The following ENTPD1 variants were observed in gnomAD, a reference collection of about 807,000 sequenced individuals.
The protein encoded by ENTPD1 is ATP diphosphohydrolase.
In ENTPD1, 33 loss-of-function variants were observed where a neutral mutation model predicts 57.0. The observed-to-expected ratio is 0.58, with a 90% CI of 0.44 to 0.77. The LOEUF (loss-of-function observed/expected upper bound fraction) is 0.77, where lower values mean the gene tolerates loss of function less well. Among genes scored for constraint, ENTPD1 ranks in the 30% least tolerant of loss-of-function variants. ENTPD1 has a pLI of 0.00. For missense variants in ENTPD1, 501 were observed against 603.4 expected (o/e 0.83, Z 1.78); for synonymous variants, 202 against 218.8 (o/e 0.92, Z 0.68).
At chr10:95,827,642 T>C (rs2098382491) in intron 2 of ENTPD1, among the ~76,000 whole-genome samples, 1 of 152,018 alleles carries the variant, frequency 6.6e-6, no homozygotes, top group South Asian at 2.1e-4. Flanking sequence ...CGTGCCACCA[T>C]GCCCAGCTAA....
chr10:95,736,086 C>T (rs774552485), intron 1 of ENTPD1, among the ~76,000 whole-genome samples: 23 of 150,116 alleles, frequency 1.5e-4, no homozygotes, highest in Non-Finnish European at 2.4e-4. Context: ...CTGCAACATC[C>T]GCCTCCCTGG....
rs1479203233 is a variant in ENTPD1 at position 95,870,704 on chromosome 10, CCTCT to C, written c.*4324_*4327del. ...GAGTTTCACCCAAACTGGTCTGGCC[CCTCT>C]CTGATTCAAATACCAATAGTTGCTC... is the stretch of plus-strand genomic sequence containing the variant. On this transcript the variant is annotated 3_prime_UTR_variant, in exon 10 of 10. Coordinates refer to ENST00000371205, the MANE Select transcript of ENTPD1 (RefSeq NM_001776.6). 10 of 985,308 alleles carry C rather than the reference CCTCT, an allele frequency of 1.0e-5. No homozygotes were observed. The highest frequency in any genetic ancestry group is 1.2e-5 in the Non-Finnish European group (10 of 829,926). The allele number at this position is 985,308 out of a possible 1,614,324, so 61.0% of individuals were successfully genotyped here.
At chr10:95,775,957 G>T (rs1015740118) in intron 1 of ENTPD1, among the ~76,000 whole-genome samples, 1 of 152,124 alleles carries the variant, frequency 6.6e-6, no homozygotes, top group African/African-American at 2.4e-5. Flanking sequence ...GACTAGGATT[G>T]CAACCCCTAC....
At chr10:95,831,764 G>A (rs1268300799) in intron 2 of ENTPD1, among the ~76,000 whole-genome samples, 1 of 152,206 alleles carries the variant, frequency 6.6e-6, no homozygotes, top group East Asian at 1.9e-4. Context: ...GCCACATGTG[G>A]CATAACACAG....
chr10:95,799,401 T>C (rs1244314218), intron 1 of ENTPD1, among the ~76,000 whole-genome samples: 2 of 152,172 alleles, frequency 1.3e-5, no homozygotes, highest in Non-Finnish European at 2.9e-5. Flanking sequence ...TGGCATTTGG[T>C]TTTTTGTTCC....
At chr10:95,758,167 A>C (rs916649942) in intron 1 of ENTPD1, among the ~76,000 whole-genome samples, 12 of 152,002 alleles carry the variant, frequency 7.9e-5, no homozygotes, top group Admixed American at 5.9e-4. Flanking sequence ...AAGGAACTGC[A>C]TCTTTCCTCA....
At chr10:95,732,545 C>T (rs879405720) in intron 1 of ENTPD1, among the ~76,000 whole-genome samples, 7 of 152,080 alleles carry the variant, frequency 4.6e-5, no homozygotes, top group Admixed American at 3.9e-4. Flanking sequence ...ATGCAGTGGT[C>T]GTGAATCCCC....
intron 7 of ENTPD1, among the ~76,000 whole-genome samples, chr10:95,857,500 AG>A (rs1293082849): frequency 6.6e-6 from 1 of 152,248 alleles, no homozygotes; most frequent in Non-Finnish European, 1.5e-5. Context: ...CTGTACAAAA[AG>A]CTTAAAGTAA....
At chr10:95,794,816 T>C (rs2098219557) in intron 1 of ENTPD1, among the ~76,000 whole-genome samples, 1 of 152,070 alleles carries the variant, frequency 6.6e-6, no homozygotes, top group African/African-American at 2.4e-5. Flanking sequence ...GGGAATGTTC[T>C]AGGCAGAGTA....
chr10:95,778,209 A>G (rs2098142012), intron 1 of ENTPD1, among the ~76,000 whole-genome samples: 1 of 152,168 alleles, frequency 6.6e-6, no homozygotes, highest in Non-Finnish European at 1.5e-5. Flanking sequence ...AAATGCAAAA[A>G]TCACCTGTCT....
chr10:95,700,803 T>G, the ENTPD1 span, among the ~76,000 whole-genome samples: 2 of 152,202 alleles, frequency 1.3e-5, no homozygotes, highest in African/African-American at 4.8e-5. Context: ...TTCTTTTTTT[T>G]TTTTTTGAGA....
At chr10:95,755,808 G>A (rs567327010), upstream of ENTPD1, 61 of 1,520,982 alleles carry the variant, frequency 4.0e-5, no homozygotes, top group Admixed American at 2.6e-4. Flanking sequence ...TTGCAGTAAG[G>A]AATAGCTTTT....
chr10:95,702,496 C>A, the ENTPD1 span, among the ~76,000 whole-genome samples: 1 of 151,152 alleles, frequency 6.6e-6, no homozygotes, highest in Admixed American at 6.6e-5. Context: ...ATGTAAGAGA[C>A]AATGTGGGGA....
chr10:95,803,914 T>C (rs2140359810), intron 1 of ENTPD1, among the ~76,000 whole-genome samples: 2 of 152,354 alleles, frequency 1.3e-5, no homozygotes, highest in East Asian at 3.9e-4. Context: ...TTCAGCTTTC[T>C]ACATATGGCT....
At chr10:95,738,289 A>G (rs1041801724) in intron 1 of ENTPD1, among the ~76,000 whole-genome samples, 47 of 152,312 alleles carry the variant, frequency 3.1e-4, no homozygotes, top group Middle Eastern at 3.4e-3. Context: ...TAGATTGGTA[A>G]TGTCCTGTGC....
chr10:95,755,871 C>T, upstream of ENTPD1: 4 of 1,515,240 alleles, frequency 2.6e-6, no homozygotes, highest in Non-Finnish European at 3.5e-6. Flanking sequence ...ATTTCTATAA[C>T]GAAGAGAGGG....
At chr10:95,718,122 G>A (rs1053560223) in intron 1 of ENTPD1, among the ~76,000 whole-genome samples, 9 of 152,168 alleles carry the variant, frequency 5.9e-5, no homozygotes, top group African/African-American at 2.2e-4. Flanking sequence ...GGTAAGGGGA[G>A]CTACTGGTAG....
chr10:95,756,903 C>T (rs1033942612), intron 1 of ENTPD1, among the ~76,000 whole-genome samples: 1 of 152,178 alleles, frequency 6.6e-6, no homozygotes, highest in Non-Finnish European at 1.5e-5. Context: ...GGGCAGGTCA[C>T]ATCTGACTAC....
chr10:95,796,301 A>C (rs2098225715), intron 1 of ENTPD1, among the ~76,000 whole-genome samples: 1 of 152,172 alleles, frequency 6.6e-6, no homozygotes, highest in Non-Finnish European at 1.5e-5. Flanking sequence ...GGGTGCTATG[A>C]GAGGATTGCA....
Sources: allele counts gnomAD v4.1 joint callset (sites outside exome capture counted in the v4.1 genomes callset), GRCh38; gene constraint gnomAD v4.1.1; transcripts MANE v1.5; gene names NCBI Gene and HGNC (gene_info 2026-07-23, HGNC 2026-07-21).